PDE4D: variants seen among roughly 807,000 people sequenced by gnomAD.
The protein encoded by PDE4D is phosphodiesterase 4D.
A neutral mutation model predicts 87.4 loss-of-function variants in PDE4D; 24 were observed. The ratio of observed to expected loss-of-function variants is 0.27; its 90% CI spans 0.20 to 0.39. The LOEUF (loss-of-function observed/expected upper bound fraction) is 0.39. Among genes scored for constraint, PDE4D ranks in the 10% least tolerant of loss-of-function variants. The pLI is 1.00. For missense variants in PDE4D, 714 were observed against 1,041.0 expected (o/e 0.69, Z 4.32); for synonymous variants, 384 against 383.2 (o/e 1.00, Z -0.02).
chr5:60,136,535 G>A (rs1482078802), intron 2 of PDE4D, among the ~76,000 whole-genome samples: 22 of 152,080 alleles, frequency 1.4e-4, no homozygotes, highest in Middle Eastern at 3.4e-3. Context: ...GGCTAGTCTC[G>A]AACTCCTGAC....
chr5:59,252,536 T>C (rs976423646), intron 1 of PDE4D, among the ~76,000 whole-genome samples: 29 of 151,614 alleles, frequency 1.9e-4, no homozygotes, highest in African/African-American at 6.1e-4. Context: ...GGTTTTTTTT[T>C]TCCCCGAGAT....
chr5:60,212,960 G>A (rs886939969), intron 1 of PDE4D, among the ~76,000 whole-genome samples: 4 of 151,926 alleles, frequency 2.6e-5, no homozygotes, highest in African/African-American at 9.7e-5. Flanking sequence ...CCTTGACCCC[G>A]TGACCATTCA....
chr5:59,396,750 A>G (rs1789503244), intron 1 of PDE4D, among the ~76,000 whole-genome samples: 2 of 118,906 alleles, frequency 1.7e-5, no homozygotes, highest in African/African-American at 3.4e-5. Flanking sequence ...TTTAAATGTA[A>G]ATGGACTAAA....
At chr5:60,198,255 T>TG (rs201041906) in intron 1 of PDE4D, among the ~76,000 whole-genome samples, 2,176 of 151,658 alleles carry the variant, frequency 0.014, 71 homozygotes, top group Middle Eastern at 0.034. Context: ...TTGTTTTAAT[T>TG]CCTTTGTTCT....
chr5:60,439,598 C>T (rs1413275711), intron 1 of PDE4D, among the ~76,000 whole-genome samples: 1 of 152,124 alleles, frequency 6.6e-6, no homozygotes, highest in Non-Finnish European at 1.5e-5. Flanking sequence ...ATGGCCACAA[C>T]ATCCATGTAG....
At chr5:59,280,017 T>C (rs1216182591) in intron 1 of PDE4D, among the ~76,000 whole-genome samples, 5 of 152,126 alleles carry the variant, frequency 3.3e-5, no homozygotes, top group Admixed American at 2.0e-4. Flanking sequence ...GTTAGATCTT[T>C]AAGATATGCA....
chr5:60,063,156 AGG>A lies in PDE4D; in HGVS notation c.43-74441_43-74440del, dbSNP rs375692834. Among the ~76,000 whole-genome samples the A allele has an allele frequency of 9.9e-3, 1,465 of 147,618 alleles. 10 individuals carry two copies. Among genetic ancestry groups the A allele is most frequent in the East Asian group, 0.015 (75 of 4,872 alleles). On this transcript the variant is annotated intron_variant, in intron 2 of 16. Transcript: ENST00000502484. ...AAAGAAAGAAAGAAAGAAAGAAAGAAGGAAAGAAAGAAAGAAAAAGAGAAAGA... is the reference window on the plus strand; with the variant it reads ...AAAGAAAGAAAGAAAGAAAGAAAGAAAAAGAAAGAAAGAAAAAGAGAAAGA...
At chr5:59,649,982 T>C (rs1392529580) in intron 1 of PDE4D, among the ~76,000 whole-genome samples, 1 of 146,902 alleles carries the variant, frequency 6.8e-6, no homozygotes, top group East Asian at 2.0e-4. Flanking sequence ...GCTTAGACTT[T>C]TGTGTAGAAG....
chr5:59,334,488 C>T (rs563657317), intron 1 of PDE4D, among the ~76,000 whole-genome samples: 2 of 151,978 alleles, frequency 1.3e-5, no homozygotes, highest in South Asian at 2.1e-4. Flanking sequence ...AAACTCCTGA[C>T]CTCAGGTGAT....
At chr5:60,121,681 G>T (rs1281281249) in intron 2 of PDE4D, among the ~76,000 whole-genome samples, 1 of 152,094 alleles carries the variant, frequency 6.6e-6, no homozygotes, top group African/African-American at 2.4e-5. Context: ...TACAATTCAA[G>T]ATGAGATTTG....
intron 1 of PDE4D, among the ~76,000 whole-genome samples, chr5:60,269,271 C>T (rs899098612): frequency 6.6e-6 from 1 of 152,242 alleles, no homozygotes; most frequent in Non-Finnish European, 1.5e-5. Flanking sequence ...CGTGCCACTG[C>T]ACTCCAGCCT....
intron 1 of PDE4D, among the ~76,000 whole-genome samples, chr5:59,655,322 T>C (rs1446645536): frequency 6.6e-6 from 1 of 152,220 alleles, no homozygotes; most frequent in African/African-American, 2.4e-5. Flanking sequence ...TTCTTCTTGA[T>C]ACAATGTTCC....
chr5:60,038,440 T>C (rs956585010), intron 2 of PDE4D, among the ~76,000 whole-genome samples: 33 of 152,252 alleles, frequency 2.2e-4, no homozygotes, highest in African/African-American at 7.9e-4. Flanking sequence ...GTTGTAGATA[T>C]GCGGCGTTAT....
intron 1 of PDE4D, among the ~76,000 whole-genome samples, chr5:60,445,162 G>C (rs528772886): frequency 3.3e-5 from 5 of 152,236 alleles, no homozygotes; most frequent in Admixed American, 3.3e-4. Context: ...GAGCAATTAA[G>C]ACATTATGAC....
At chr5:60,207,530 TTC>T (rs1263348509) in intron 1 of PDE4D, among the ~76,000 whole-genome samples, 3 of 152,220 alleles carry the variant, frequency 2.0e-5, no homozygotes, top group African/African-American at 4.8e-5. Context: ...GATCATAACC[TTC>T]TCTCATAATT....
chr5:60,356,941 T>A (rs1292401367), intron 1 of PDE4D, among the ~76,000 whole-genome samples: 1 of 152,184 alleles, frequency 6.6e-6, no homozygotes, highest in African/African-American at 2.4e-5. Context: ...GCTATGGAAC[T>A]GGACACTCAC....
chr5:59,276,189 C>G (rs1374157106), intron 1 of PDE4D: 3 of 953,634 alleles, frequency 3.1e-6, no homozygotes, highest in East Asian at 1.2e-4. Flanking sequence ...CTGAGACTTA[C>G]AAAGCAAAGG....
chr5:60,238,482 T>A (rs1487515385), intron 1 of PDE4D, among the ~76,000 whole-genome samples: 1 of 152,042 alleles, frequency 6.6e-6, no homozygotes, highest in Non-Finnish European at 1.5e-5. Flanking sequence ...CTAAGTAAAG[T>A]CAAACTGACT....
At chr5:59,625,647 C>G (rs1016194934) in intron 1 of PDE4D, among the ~76,000 whole-genome samples, 1 of 152,134 alleles carries the variant, frequency 6.6e-6, no homozygotes, top group Non-Finnish European at 1.5e-5. Flanking sequence ...TGTCTCATAA[C>G]TCTGAAACAT....
Sources: allele counts gnomAD v4.1 joint callset (sites outside exome capture counted in the v4.1 genomes callset), GRCh38; gene constraint gnomAD v4.1.1; transcripts MANE v1.5; gene names NCBI Gene and HGNC (gene_info 2026-07-23, HGNC 2026-07-21).